Variants in PNOC observed in about 807,000 individuals in gnomAD.
PNOC encodes nociceptin.
A neutral mutation model predicts 15.6 loss-of-function variants in PNOC; 10 were observed. The observed-to-expected ratio is 0.64, with a 90% CI of 0.40 to 1.09. The LOEUF (loss-of-function observed/expected upper bound fraction) is 1.09, where lower values mean the gene tolerates loss of function less well. Among genes scored for constraint, PNOC ranks in the 50% least tolerant of loss-of-function variants. The pLI is 0.01. For missense variants in PNOC, 220 were observed against 223.9 expected, an observed-to-expected ratio of 0.98 and a Z score of 0.11; for synonymous variants, 98 against 88.5, an observed-to-expected ratio of 1.11 and a Z score of -0.60.
At chr8:28,326,028 T>C (rs995846058) in intron 1 of PNOC, among the ~76,000 whole-genome samples, 3 of 152,060 alleles carry the variant, frequency 2.0e-5, no homozygotes, top group Non-Finnish European at 2.9e-5. Context: ...AGGCACTGTG[T>C]TCATTATTTG....
intron 2 of PNOC, 31 bp downstream of exon 2, chr8:28,329,314 T>TCCTCCTCCCTGACTA (rs778806214): frequency 6.2e-7 from 1 of 1,608,876 alleles, no homozygotes; most frequent in Non-Finnish European, 8.5e-7. Context: ...AGAGAGGCTG[T>TCCTCCTCCCTGACTA]CCTCCTCCCT....
chr8:28,338,393 C>T (rs1801450403), intron 2 of PNOC, among the ~76,000 whole-genome samples: 2 of 152,052 alleles, frequency 1.3e-5, no homozygotes, highest in South Asian at 2.1e-4. Context: ...CTGATGATGG[C>T]ATCTCTCCCC....
chr8:28,332,526 C>T (rs1407971738), intron 2 of PNOC, among the ~76,000 whole-genome samples: 1 of 152,110 alleles, frequency 6.6e-6, no homozygotes, highest in African/African-American at 2.4e-5. Flanking sequence ...AACGTCCTGG[C>T]CTTTAACCTA....
At chr8:28,321,475 A>C (rs1801151273) in intron 1 of PNOC, among the ~76,000 whole-genome samples, 1 of 151,102 alleles carries the variant, frequency 6.6e-6, no homozygotes, top group Non-Finnish European at 1.5e-5. Flanking sequence ...CCCCCTCCAC[A>C]CTCTTTCTAT....
In PNOC at chr8:28,339,302, T is replaced by A. The variant is rs751205140; in HGVS notation, c.389T>A (p.Phe130Tyr). Residue 130 changes from phenylalanine to tyrosine, a missense_variant, in exon 3 of 4, where the codon TTT (phenylalanine) becomes TAT (tyrosine). Phe to Tyr is a conservative substitution (Grantham distance 22, BLOSUM62 3). Transcript: ENST00000301908. ...EMEQKQLQKR[F>Y]GGFTGARKSA... ...GAGCAGAAGCAGCTGCAGAAGAGATTTGGGGGCTTCACCGGGGCCCGGAAG... is the reference window on the plus strand; with the variant it reads ...GAGCAGAAGCAGCTGCAGAAGAGATATGGGGGCTTCACCGGGGCCCGGAAG... 4 of 1,612,126 alleles carry A rather than the reference T, an allele frequency of 2.5e-6. No homozygotes were observed. Among genetic ancestry groups the A allele is most frequent in the Non-Finnish European group, 2.5e-6 (3 of 1,178,516 alleles).
intron 1 of PNOC, among the ~76,000 whole-genome samples, chr8:28,321,311 G>C (rs983849988): frequency 6.9e-6 from 1 of 144,486 alleles, no homozygotes; most frequent in Non-Finnish European, 1.5e-5. Context: ...GATTGCAGTT[G>C]CATGCCAATA....
At chr8:28,332,263 A>G (rs1563329246) in intron 2 of PNOC, among the ~76,000 whole-genome samples, 1 of 152,292 alleles carries the variant, frequency 6.6e-6, no homozygotes, top group South Asian at 2.1e-4. Flanking sequence ...TAGGCACTCA[A>G]ATCCATTTCC....
chr8:28,338,871 T>A, intron 2 of PNOC, 169 bp from the exon 3 acceptor site: 2 of 1,030,898 alleles, frequency 1.9e-6, no homozygotes, highest in Non-Finnish European at 2.6e-6. Flanking sequence ...TTGTTTCCAA[T>A]TCTGAAATTC....
chr8:28,334,419 T>C (rs958074124), intron 2 of PNOC, among the ~76,000 whole-genome samples: 3 of 152,142 alleles, frequency 2.0e-5, no homozygotes, highest in African/African-American at 7.2e-5. Flanking sequence ...AATACAAATT[T>C]CTGGGCCCCA....
At position 28,328,119 on chromosome 8, in the gene PNOC, G is replaced by A. The variant is rs1401424731; in HGVS notation, c.-23-1016G>A. Among the ~76,000 whole-genome samples, 5 of 130,474 alleles carry A rather than the reference G, an allele frequency of 3.8e-5. No individual in the cohort carries two copies. In the South Asian group the frequency reaches 9.9e-4, roughly 26 times the overall value. 85.6% of individuals were successfully genotyped at this position (130,474 alleles called of 152,430 possible). On this transcript the variant is annotated intron_variant, in intron 1 of 3. Coordinates refer to ENST00000301908, the MANE Select transcript of PNOC (RefSeq NM_006228.5). ...GTCTCACTCTGTCAACCAGGCTGGTGTGCAATGGCACAATCTCGGCTCACT... is the reference window on the plus strand; with the variant it reads ...GTCTCACTCTGTCAACCAGGCTGGTATGCAATGGCACAATCTCGGCTCACT...
At chr8:28,320,208 C>A (rs1801127513) in intron 1 of PNOC, among the ~76,000 whole-genome samples, 1 of 145,638 alleles carries the variant, frequency 6.9e-6, no homozygotes, top group South Asian at 2.3e-4. Flanking sequence ...AGATAGCATG[C>A]CTCACCATGC....
At chr8:28,323,460 C>G (rs1393797877) in intron 1 of PNOC, among the ~76,000 whole-genome samples, 2 of 152,238 alleles carry the variant, frequency 1.3e-5, no homozygotes, top group Admixed American at 6.5e-5. Flanking sequence ...ATTCCCATTT[C>G]ACAGTTGAGA....
intron 3 of PNOC, among the ~76,000 whole-genome samples, chr8:28,341,809 T>C (rs569390516): frequency 1.3e-5 from 2 of 152,284 alleles, no homozygotes; most frequent in African/African-American, 4.8e-5. Flanking sequence ...CTGCTTCTTT[T>C]CCCCCAACAT....
intron 2 of PNOC, among the ~76,000 whole-genome samples, chr8:28,332,348 C>T (rs1801341946): frequency 6.6e-6 from 1 of 152,310 alleles, no homozygotes; most frequent in African/African-American, 2.4e-5. Context: ...GTCACTTCCC[C>T]AGTCCTTCCA....
rs185275371 is a variant in PNOC, at chr8:28,319,310, C to G, written c.-24+1994C>G. 8.2e-4 allele frequency among the ~76,000 whole-genome samples: 125 copies of G among 152,156 alleles called. 2 individuals are homozygous for G. Among genetic ancestry groups the G allele is most frequent in the Non-Finnish European group, 1.1e-3 (74 of 68,014 alleles). On this transcript the variant is annotated intron_variant, in intron 1 of 3. Coordinates refer to ENST00000301908, the MANE Select transcript of PNOC (RefSeq NM_006228.5). ...TCGGGGGTAGAGGAGAGACGTAACA[C>G]AAACATGAGAAACAATTAGAGGACC... is the stretch of plus-strand genomic sequence containing the variant.
At chr8:28,326,982 C>G (rs756773863) in intron 1 of PNOC, among the ~76,000 whole-genome samples, 11 of 152,306 alleles carry the variant, frequency 7.2e-5, no homozygotes, top group Middle Eastern at 3.4e-3. Context: ...AGTACCAAGA[C>G]CTTCTACAGT....
chr8:28,329,124 G>A lies in PNOC; in HGVS notation c.-23-11G>A. The A allele has an allele frequency of 6.2e-7, 1 of 1,611,420 alleles. No homozygotes were observed. The highest frequency in any genetic ancestry group is 1.7e-5 in the Admixed American group (1 of 60,004). ...GGCTGTACTCATTGCCATGCTTCCT[G>A]TATGTTCCAGCACCTGCTTCCTGCT... On this transcript the variant is annotated splice_polypyrimidine_tract_variant and intron_variant, in intron 1 of 3. Coordinates refer to ENST00000301908, the MANE Select transcript of PNOC (RefSeq NM_006228.5).
intron 1 of PNOC, among the ~76,000 whole-genome samples, chr8:28,320,783 G>A (rs1453728676): frequency 1.3e-5 from 2 of 150,134 alleles, no homozygotes; most frequent in African/African-American, 2.5e-5. Context: ...CTCGGGAGGT[G>A]GAGGTTGCGG....
At chr8:28,320,424 T>A (rs1237154808) in intron 1 of PNOC, among the ~76,000 whole-genome samples, 1 of 152,190 alleles carries the variant, frequency 6.6e-6, no homozygotes, top group Non-Finnish European at 1.5e-5. Flanking sequence ...AAACTCACAA[T>A]GGGCTTCAGG....
Sources: allele counts gnomAD v4.1 joint callset (sites outside exome capture counted in the v4.1 genomes callset), GRCh38; gene constraint gnomAD v4.1.1; transcripts MANE v1.5; gene names NCBI Gene and HGNC (gene_info 2026-07-23, HGNC 2026-07-21).